The following EXOC4 variants were observed in gnomAD, a reference collection of about 807,000 sequenced individuals.
EXOC4 encodes the protein exocyst complex component 4.
A neutral mutation model predicts 107.2 loss-of-function variants in EXOC4; 71 were observed. That is an observed-to-expected ratio of 0.66 (90% CI 0.55 to 0.81). The LOEUF (loss-of-function observed/expected upper bound fraction) is 0.81. EXOC4 is among the 30% of genes least tolerant of loss of function. The probability of loss-of-function intolerance (pLI) is 0.00; values close to 1 mark genes in which losing one functional copy is unlikely to be tolerated. For missense variants in EXOC4, 1,108 were observed against 1,189.6 expected, an observed-to-expected ratio of 0.93 and a Z score of 1.01; for synonymous variants, 456 against 441.2, an observed-to-expected ratio of 1.03 and a Z score of -0.42.
At chr7:133,319,069 A>C (rs1398347010) in intron 5 of EXOC4, among the ~76,000 whole-genome samples, 2 of 152,214 alleles carry the variant, frequency 1.3e-5, no homozygotes, top group Non-Finnish European at 2.9e-5. Flanking sequence ...CAGTTGTTAC[A>C]TCTTTGCTTT....
chr7:133,755,384 A>G (rs1321364751), intron 10 of EXOC4, among the ~76,000 whole-genome samples: 1 of 130,558 alleles, frequency 7.7e-6, no homozygotes, highest in Non-Finnish European at 1.6e-5. Context: ...TCACCCTGTC[A>G]CCAGGCTGGA....
intron 2 of EXOC4, among the ~76,000 whole-genome samples, chr7:133,286,771 G>T (rs1157050952): frequency 6.6e-6 from 1 of 152,216 alleles, no homozygotes; most frequent in Non-Finnish European, 1.5e-5. Context: ...GTCCATGGGG[G>T]CTTTGGATCG....
intron 13 of EXOC4, among the ~76,000 whole-genome samples, chr7:133,922,736 C>T (rs778899758): frequency 6.6e-6 from 1 of 151,976 alleles, no homozygotes; most frequent in Non-Finnish European, 1.5e-5. Context: ...TAGTCCCCAG[C>T]TACTCAGGAG....
intron 9 of EXOC4, among the ~76,000 whole-genome samples, chr7:133,567,507 G>A (rs1800929822): frequency 6.6e-6 from 1 of 152,032 alleles, no homozygotes; most frequent in African/African-American, 2.4e-5. Flanking sequence ...GCATGCATGT[G>A]CTAATATGTC....
intron 9 of EXOC4, among the ~76,000 whole-genome samples, chr7:133,605,473 G>A (rs1013549758): frequency 2.0e-5 from 3 of 152,054 alleles, no homozygotes; most frequent in Non-Finnish European, 4.4e-5. Flanking sequence ...TGCCTGTTTT[G>A]GACACTAAGT....
rs562866840 is a variant in EXOC4 at position 133,776,568 on chromosome 7, C to T, written c.1515-40757C>T. ...TTGGGATCCATTGTCAGTGTGGACA[C>T]GAGTCATTTACTCTTCTGTCTAATT... On this transcript the variant is annotated intron_variant, in intron 10 of 17. Transcript: ENST00000253861. Among the ~76,000 whole-genome samples, 3 of 152,250 alleles carry T rather than the reference C, an allele frequency of 2.0e-5. No homozygotes were observed. The South Asian group carries it at 6.2e-4, about 32-fold the overall frequency.
intron 13 of EXOC4, among the ~76,000 whole-genome samples, chr7:133,927,968 A>G (rs1348875587): frequency 6.6e-6 from 1 of 152,188 alleles, no homozygotes; most frequent in Non-Finnish European, 1.5e-5. Flanking sequence ...CAGTAAATGG[A>G]AGAAAACAAA....
chr7:133,429,438 A>G (rs1233441133), intron 7 of EXOC4, among the ~76,000 whole-genome samples: 3 of 152,236 alleles, frequency 2.0e-5, no homozygotes, highest in East Asian at 3.9e-4. Flanking sequence ...AATTAAAAGC[A>G]TTGCGATATA....
intron 5 of EXOC4, among the ~76,000 whole-genome samples, chr7:133,339,713 A>G (rs560228783): frequency 7.2e-5 from 11 of 152,228 alleles, no homozygotes; most frequent in Admixed American, 3.3e-4. Context: ...TTCCTTGTAG[A>G]GGTCTTTCAC....
At chr7:134,083,425 A>G in the EXOC4 span, among the ~76,000 whole-genome samples, 1 of 152,338 alleles carries the variant, frequency 6.6e-6, no homozygotes, top group South Asian at 2.1e-4. Flanking sequence ...TTAGTAGCTT[A>G]AAACAGTTAT....
chr7:133,803,312 A>T (rs1300456807), intron 10 of EXOC4, among the ~76,000 whole-genome samples: 1 of 152,194 alleles, frequency 6.6e-6, no homozygotes, highest in African/African-American at 2.4e-5. Context: ...AACAGGAAAC[A>T]TTTCTCAGAT....
At chr7:133,701,490 G>A (rs1794654987) in intron 10 of EXOC4, among the ~76,000 whole-genome samples, 1 of 152,108 alleles carries the variant, frequency 6.6e-6, no homozygotes, top group African/African-American at 2.4e-5. Context: ...TTATCCATGG[G>A]AAAGACATTC....
At chr7:133,474,414 T>G (rs140840842) in intron 7 of EXOC4, among the ~76,000 whole-genome samples, 43 of 152,154 alleles carry the variant, frequency 2.8e-4, no homozygotes, top group African/African-American at 1.0e-3. Flanking sequence ...TTCAAGTGAT[T>G]CTTGTGCCTC....
At chr7:133,273,761 G>A (rs1793927272) in intron 1 of EXOC4, among the ~76,000 whole-genome samples, 1 of 152,150 alleles carries the variant, frequency 6.6e-6, no homozygotes, top group African/African-American at 2.4e-5. Context: ...CAAATATCTA[G>A]AAGTGGATAT....
chr7:133,760,624 C>G (rs889981395), intron 10 of EXOC4, among the ~76,000 whole-genome samples: 2 of 151,928 alleles, frequency 1.3e-5, no homozygotes, highest in Non-Finnish European at 2.9e-5. Context: ...GTTTTGACCT[C>G]GCACCATTCT....
intron 17 of EXOC4, among the ~76,000 whole-genome samples, chr7:134,014,142 G>A (rs893613533): frequency 1.3e-5 from 2 of 152,188 alleles, no homozygotes; most frequent in African/African-American, 2.4e-5. Context: ...GGTGGCTCAC[G>A]CCTGTAATCC....
intron 5 of EXOC4, among the ~76,000 whole-genome samples, chr7:133,341,586 G>A (rs1795661976): frequency 6.6e-6 from 1 of 152,158 alleles, no homozygotes; most frequent in Non-Finnish European, 1.5e-5. Flanking sequence ...TTGTTTCTTT[G>A]TTGAGTTTCT....
At chr7:133,781,198 A>G (rs1019950651) in intron 10 of EXOC4, among the ~76,000 whole-genome samples, 2 of 152,244 alleles carry the variant, frequency 1.3e-5, no homozygotes, top group Non-Finnish European at 1.5e-5. Flanking sequence ...ATTCAAAACC[A>G]TTTGTGAAGA....
intron 7 of EXOC4, among the ~76,000 whole-genome samples, chr7:133,449,721 TTGTGTGTG>T (rs58843853): frequency 1.4e-5 from 2 of 148,002 alleles, no homozygotes; most frequent in South Asian, 2.2e-4. Context: ...GAAAATACAT[TTGTGTGTG>T]TGTGTGTGTG....
Sources: gnomAD v4.1 joint callset for allele counts (sites outside exome capture counted in the v4.1 genomes callset) on GRCh38, gnomAD v4.1.1 for gene constraint, MANE v1.5 for transcripts, NCBI Gene and HGNC (gene_info 2026-07-23, HGNC 2026-07-21) for gene names.